Variants in FRMD4A observed in about 807,000 individuals in gnomAD.
FRMD4A encodes the protein FERM domain-containing protein 4A.
In FRMD4A, 29 loss-of-function variants were observed where a neutral mutation model predicts 129.1. The observed-to-expected ratio is 0.22, with a 90% CI of 0.17 to 0.31. The LOEUF (loss-of-function observed/expected upper bound fraction) is 0.31. Among genes scored for constraint, FRMD4A ranks in the 10% least tolerant of loss-of-function variants. FRMD4A has a pLI of 1.00. For synonymous variants in FRMD4A, 634 were observed against 571.6 expected, an observed-to-expected ratio of 1.11 and a Z score of -1.56; for missense variants, 1,272 against 1,375.8, an observed-to-expected ratio of 0.92 and a Z score of 1.19.
intron 6 of FRMD4A, 149 bp downstream of exon 6, chr10:13,782,773 T>G (rs2092769302): frequency 1.6e-6 from 1 of 642,736 alleles, no homozygotes; most frequent in Non-Finnish European, 2.8e-6. Flanking sequence ...TGCCGTTAGC[T>G]TCATAACATT....
intron 3 of FRMD4A, among the ~76,000 whole-genome samples, chr10:13,828,025 G>A (rs1176837312): frequency 2.6e-5 from 4 of 152,332 alleles, no homozygotes; most frequent in East Asian, 3.9e-4. Context: ...GCTGCTCATG[G>A]CGGGGCTCTC....
At chr10:13,903,175 T>C (rs1217933987) in intron 2 of FRMD4A, among the ~76,000 whole-genome samples, 1 of 152,134 alleles carries the variant, frequency 6.6e-6, no homozygotes, top group Non-Finnish European at 1.5e-5. Context: ...GTACCCTTAT[T>C]AGTGAGATCT....
Position 14,308,350 on chromosome 10 carries a change from C to T in FRMD4A, c.45+21708G>A, listed in dbSNP as rs539652554. Among the ~76,000 whole-genome samples the T allele has an allele frequency of 2.2e-3, 332 of 152,136 alleles. 2 individuals carry two copies. The highest frequency in any genetic ancestry group is 4.0e-3 in the Non-Finnish European group (275 of 68,008). ...ATTTGCACAAAGAAAATTTACATCT[C>T]GTCTTTGTTTCATTTTTTCTGGCAT... On this transcript the variant is annotated intron_variant, in intron 2 of 24. Coordinates refer to ENST00000357447, the MANE Select transcript of FRMD4A (RefSeq NM_018027.5).
intron 2 of FRMD4A, among the ~76,000 whole-genome samples, chr10:14,202,062 C>T (rs909572312): frequency 7.2e-5 from 11 of 151,880 alleles, no homozygotes; most frequent in African/African-American, 2.2e-4. Context: ...TGCTTGAACC[C>T]GGGAGGGGGA....
At chr10:14,096,281 A>T (rs146452690) in intron 2 of FRMD4A, among the ~76,000 whole-genome samples, 92 of 152,314 alleles carry the variant, frequency 6.0e-4, no homozygotes, top group African/African-American at 2.1e-3. Flanking sequence ...CCCTCACCAG[A>T]CACCAGATCT....
intron 3 of FRMD4A, among the ~76,000 whole-genome samples, chr10:13,849,441 G>A (rs376325363): frequency 4.0e-5 from 6 of 151,790 alleles, no homozygotes; most frequent in Admixed American, 1.3e-4. Flanking sequence ...ATGCACTTTG[G>A]GGGGGATTCC....
At chr10:14,216,135 C>T (rs1843068535) in intron 2 of FRMD4A, among the ~76,000 whole-genome samples, 1 of 152,128 alleles carries the variant, frequency 6.6e-6, no homozygotes, top group Non-Finnish European at 1.5e-5. Flanking sequence ...TTTGTACAAA[C>T]TGTGATTATT....
At chr10:14,319,367 T>TCACACACA (rs1554809203) in intron 2 of FRMD4A, among the ~76,000 whole-genome samples, 1 of 145,048 alleles carries the variant, frequency 6.9e-6, no homozygotes, top group African/African-American at 2.7e-5. Flanking sequence ...TCTCTCTCTC[T>TCACACACA]CACACACACA....
intron 2 of FRMD4A, among the ~76,000 whole-genome samples, chr10:14,315,412 T>G (rs978304835): frequency 6.6e-6 from 1 of 152,172 alleles, no homozygotes; most frequent in Non-Finnish European, 1.5e-5. Flanking sequence ...TCACCCAACA[T>G]AAAGATCTGA....
chr10:13,728,573 C>CTTTTTTTTTTTTTTTTTTTTTTTTTTTTT (rs10706168), intron 12 of FRMD4A, among the ~76,000 whole-genome samples: 9 of 78,350 alleles, frequency 1.1e-4, no homozygotes, highest in Non-Finnish European at 1.7e-4. Flanking sequence ...GATTACCATT[C>CTTTTTTTTTTTTTTTTTTTTTTTTTTTTT]TTTTTTTTTT....
chr10:13,827,354 C>A (rs577108518), intron 3 of FRMD4A, among the ~76,000 whole-genome samples: 1 of 152,176 alleles, frequency 6.6e-6, no homozygotes, highest in East Asian at 1.9e-4. Flanking sequence ...CGATCTGCGC[C>A]GTTCCCACAG....
At chr10:14,098,678 G>T (rs1321751424) in intron 2 of FRMD4A, among the ~76,000 whole-genome samples, 2 of 152,120 alleles carry the variant, frequency 1.3e-5, no homozygotes, top group Non-Finnish European at 2.9e-5. Context: ...AAAGTGCTGG[G>T]ATTACAGGTG....
intron 6 of FRMD4A, among the ~76,000 whole-genome samples, chr10:13,771,632 A>C (rs1240942244): frequency 6.6e-6 from 1 of 152,230 alleles, no homozygotes; most frequent in Non-Finnish European, 1.5e-5. Flanking sequence ...TCCACTCAGA[A>C]AAATGCTGGT....
intron 2 of FRMD4A, among the ~76,000 whole-genome samples, chr10:14,203,927 G>T (rs1479952515): frequency 6.6e-6 from 1 of 152,144 alleles, no homozygotes; most frequent in South Asian, 2.1e-4. Context: ...TTTGTCTATC[G>T]TAGTTTGACC....
chr10:13,969,778 T>G (rs1056329727), intron 2 of FRMD4A, among the ~76,000 whole-genome samples: 25 of 152,028 alleles, frequency 1.6e-4, no homozygotes, highest in Middle Eastern at 3.2e-3. Flanking sequence ...CCCAGGGAGG[T>G]TGAGGCTGCA....
At chr10:14,072,263 C>T (rs1207745743) in intron 2 of FRMD4A, among the ~76,000 whole-genome samples, 1 of 152,042 alleles carries the variant, frequency 6.6e-6, no homozygotes, top group Non-Finnish European at 1.5e-5. Flanking sequence ...TGAGTTCAGG[C>T]ACAAATGGGG....
chr10:14,018,455 CAAAAA>C (rs71388151), intron 2 of FRMD4A, among the ~76,000 whole-genome samples: 12 of 59,268 alleles, frequency 2.0e-4, no homozygotes, highest in African/African-American at 8.2e-4. Context: ...GACTCCATCT[CAAAAA>C]AAAAAAAAAA....
Position 13,666,101 on chromosome 10 carries a change from T to A in FRMD4A, c.1599A>T (p.Ile533=), listed in dbSNP as rs941534708. The A allele has an allele frequency of 1.9e-6, 3 of 1,595,110 alleles. No individual in the cohort carries two copies. In the African/African-American group the frequency reaches 4.0e-5, roughly 21 times the overall value. Residue 533 remains isoleucine (I), a synonymous_variant, in exon 18 of 25, where the codon ATA becomes ATT. Coordinates refer to ENST00000357447, the MANE Select transcript of FRMD4A (RefSeq NM_018027.5). ...KKPTQRASLI[I]DDGNIASEDS... is the part of the protein sequence containing the mutation. ...GGCAGCCCGGTTGGCACTGACCGTCTATGATCAGCGAAGCCCTCTGGGTGG... is the reference window on the plus strand; with the variant it reads ...GGCAGCCCGGTTGGCACTGACCGTCAATGATCAGCGAAGCCCTCTGGGTGG...
At chr10:13,731,807 C>CT (rs796747328) in intron 12 of FRMD4A, among the ~76,000 whole-genome samples, 5 of 152,086 alleles carry the variant, frequency 3.3e-5, no homozygotes, top group African/African-American at 4.8e-5. Flanking sequence ...TTGTTTGCTG[C>CT]TTTTTTTAGG....
Sources: allele counts gnomAD v4.1 joint callset (sites outside exome capture counted in the v4.1 genomes callset), GRCh38; gene constraint gnomAD v4.1.1; transcripts MANE v1.5; gene names NCBI Gene and HGNC (gene_info 2026-07-23, HGNC 2026-07-21).